CFAP46: variants seen among roughly 807,000 people sequenced by gnomAD.
CFAP46 encodes the protein cilia and flagella associated protein 46.
Under a neutral mutation model 325.7 loss-of-function variants are expected in CFAP46, and 245 were observed. The ratio of observed to expected loss-of-function variants is 0.75; its 90% CI spans 0.68 to 0.84. The LOEUF is 0.84. Among genes scored for constraint, CFAP46 ranks in the 40% least tolerant of loss-of-function variants. The pLI, the probability that CFAP46 is intolerant of heterozygous loss-of-function variation, is 0.00. For synonymous variants in CFAP46, 1,523 were observed against 1,495.9 expected (o/e 1.02, Z -0.42); for missense variants, 3,346 against 3,543.0 (o/e 0.94, Z 1.41).
chr10:132,941,623 G>T lies in CFAP46; in HGVS notation c.274C>A (p.Gln92Lys). The change falls in exon 3 of 58, where the codon CAG becomes AAG. Residue 92 changes from glutamine to lysine, a missense_variant. By Grantham distance (53) the Gln-to-Lys change is moderately conservative (BLOSUM62 1). Coordinates refer to ENST00000368586, the MANE Select transcript of CFAP46 (RefSeq NM_001200049.3). ...TCTGCCGACTTCGGGGCACACATCT[G>T]GGCCCTGCACAGGTGCGCTCGGCCC... The part of the protein sequence containing the change: ...FLGRAHLCRA[Q>K]MCAPKSAENL... 6.2e-7 allele frequency: 1 copy of T among 1,614,006 alleles called. No homozygotes were observed. The highest frequency in any genetic ancestry group is 8.5e-7 in the Non-Finnish European group (1 of 1,180,026).
chr10:132,880,047 C>T (rs1437503183), intron 28 of CFAP46, among the ~76,000 whole-genome samples: 2 of 152,156 alleles, frequency 1.3e-5, no homozygotes, highest in Non-Finnish European at 2.9e-5. Context: ...GGGAGGGTGG[C>T]CCTGAGCAAG....
At position 132,920,673 on chromosome 10, in the gene CFAP46, G is replaced by A. The variant is rs140742759; in HGVS notation, c.1607-491C>T. On this transcript the variant is annotated intron_variant, in intron 13 of 57. Transcript: ENST00000368586. ...CCTGGGGGGCCTCCTGTGCATGGGC[G>A]ACCCCGGGGGCTGGGCCTCCCCTGG... Among the ~76,000 whole-genome samples, 14 of 152,312 alleles carry A rather than the reference G, an allele frequency of 9.2e-5. No individual in the cohort carries two copies. The East Asian group carries it at 2.5e-3, about 27-fold the overall frequency.
chr10:132,904,458 T>G (rs1043558286), intron 22 of CFAP46, among the ~76,000 whole-genome samples: 1 of 152,266 alleles, frequency 6.6e-6, no homozygotes, highest in African/African-American at 2.4e-5. Flanking sequence ...CAAAGGACTT[T>G]CCAAAGTCTT....
At chr10:132,872,026 C>T (rs1332397212) in intron 32 of CFAP46, among the ~76,000 whole-genome samples, 1 of 152,148 alleles carries the variant, frequency 6.6e-6, no homozygotes, top group Non-Finnish European at 1.5e-5. Flanking sequence ...GATGTATGTA[C>T]ATTTTTTAGA....
Position 132,929,698 on chromosome 10 carries a change from CACTT to C in CFAP46, c.966+3_966+6del. ...TCCCCAGGCAGCAGTGTCATGAAGC[CACTT>C]ACTTTGCTTTCCATCTTCTTCAGGT... On this transcript the variant is annotated splice_donor_5th_base_variant and intron_variant, in intron 9 of 57. Transcript: ENST00000368586. 1 of 1,612,898 alleles carries C rather than the reference CACTT, an allele frequency of 6.2e-7. No homozygotes were observed.
chr10:132,822,969 T>C (rs1335766375), intron 50 of CFAP46, among the ~76,000 whole-genome samples: 1 of 140,300 alleles, frequency 7.1e-6, no homozygotes, highest in Non-Finnish European at 1.5e-5. Flanking sequence ...TGATGTGTGC[T>C]GTGTGTGCAG....
At position 132,879,510 on chromosome 10, in the gene CFAP46, C is replaced by A; in HGVS notation, c.3921G>T (p.Leu1307=). 1 of 1,547,258 alleles carries A rather than the reference C, an allele frequency of 6.5e-7. No homozygotes were observed. The highest frequency in any genetic ancestry group is 1.2e-5 in the South Asian group (1 of 83,900). The change falls in exon 29 of 58, where the codon CTG becomes CTT. Residue 1307 remains leucine (L), a synonymous_variant. Coordinates refer to ENST00000368586, the MANE Select transcript of CFAP46 (RefSeq NM_001200049.3). The part of the protein sequence containing the change: ...QLEALARVHI[L]LALVLSPGAE... Reference sequence around the variant, plus strand: ...CGCCCGGCGACAGCACCAGGGCCAGCAGGATGTGCACGCGGGCCAGCGCCT... The same window carrying A: ...CGCCCGGCGACAGCACCAGGGCCAGAAGGATGTGCACGCGGGCCAGCGCCT...
Position 132,939,545 on chromosome 10 carries a change from C to G in CFAP46, c.372-792G>C, listed in dbSNP as rs1354337529. The stretch of plus-strand genomic sequence containing the variant: ...CAGGTGGACCAGCACTGCTCAATGC[C>G]CAGGTGGGAGGAGGACACCAGGGTG... On this transcript the variant is annotated intron_variant, in intron 4 of 57. Transcript: ENST00000368586. This position sits in a 1 kb window ranked among gnomAD's most constrained non-coding sequence, Gnocchi z 4.6. 2.0e-5 allele frequency among the ~76,000 whole-genome samples: 3 copies of G among 152,156 alleles called. No individual in the cohort carries two copies. Among genetic ancestry groups the G allele is most frequent in the Non-Finnish European group, 4.4e-5 (3 of 68,020 alleles).
At chr10:132,941,793 GC>G (rs1591105096) in intron 2 of CFAP46, 71 bp from the exon 3 acceptor site, 7 of 1,600,792 alleles carry the variant, frequency 4.4e-6, no homozygotes, top group South Asian at 2.2e-5. Flanking sequence ...AGCACCACGG[GC>G]CCGCTTTCAG....
In CFAP46 at chr10:132,817,424, A is replaced by C. The variant is rs886513205; in HGVS notation, c.7118-2510T>G. On this transcript the variant is annotated intron_variant, in intron 50 of 57. Coordinates refer to ENST00000368586, the MANE Select transcript of CFAP46 (RefSeq NM_001200049.3). This position sits in a 1 kb window ranked among gnomAD's most constrained non-coding sequence, Gnocchi z 4.4. The stretch of plus-strand genomic sequence containing the variant: ...TGTCTTCTCACTGGCAGGGTTGGCC[A>C]ATTTTCTTTTTTTGATATATGACAT... 3.9e-5 allele frequency among the ~76,000 whole-genome samples: 6 copies of C among 152,120 alleles called. No homozygotes were observed. The highest frequency in any genetic ancestry group is 4.4e-5 in the Non-Finnish European group (3 of 68,008).
At chr10:132,902,352 C>A (rs1015613508) in intron 22 of CFAP46, among the ~76,000 whole-genome samples, 3 of 126,454 alleles carry the variant, frequency 2.4e-5, no homozygotes, top group Admixed American at 2.2e-4. Context: ...CCCTGTGCTT[C>A]GGTTTTCATA....
At chr10:132,922,987 C>T (rs985490499) in intron 11 of CFAP46, among the ~76,000 whole-genome samples, 3 of 152,376 alleles carry the variant, frequency 2.0e-5, no homozygotes, top group South Asian at 2.1e-4. Flanking sequence ...CAAGACTGCC[C>T]GGCTCTCTGC....
intron 4 of CFAP46, 76 bp from the exon 5 acceptor site, chr10:132,938,829 G>C: frequency 7.0e-7 from 1 of 1,438,192 alleles, no homozygotes; most frequent in Non-Finnish European, 9.5e-7. Context: ...AGGGGCCGCT[G>C]TGTCTCCGGA....
intron 22 of CFAP46, among the ~76,000 whole-genome samples, chr10:132,902,918 C>T (rs1023891707): frequency 5.9e-5 from 9 of 151,438 alleles, no homozygotes; most frequent in East Asian, 3.9e-4. Context: ...CAGTGAGTTA[C>T]GCCCCAATGT....
In CFAP46 at chr10:132,828,090, G is replaced by C. The variant is rs1330574877; in HGVS notation, c.7117+5268C>G. Among the ~76,000 whole-genome samples, 1 of 152,244 alleles carries C rather than the reference G, an allele frequency of 6.6e-6. No individual in the cohort carries two copies. The highest frequency in any genetic ancestry group is 1.9e-4 in the East Asian group (1 of 5,200). On this transcript the variant is annotated intron_variant, in intron 50 of 57. Transcript: ENST00000368586. This position sits in a 1 kb window ranked among gnomAD's most constrained non-coding sequence, Gnocchi z 4.9. The stretch of plus-strand genomic sequence containing the variant: ...CCAATGTGCTCATCGCCCACTGGGT[G>C]TCCAGGTGTCCGTCCTGTGGGTGAT...
rs1260609675 is a variant in CFAP46 at position 132,850,213 on chromosome 10, C to A, written c.5952+31G>T. ...CAGGCACGGGTGACTGGTGTTGGAG[C>A]CAGACTTGGGATAGAAGCAGGAGCA... On this transcript the variant is annotated intron_variant, in intron 41 of 57. Coordinates refer to ENST00000368586, the MANE Select transcript of CFAP46 (RefSeq NM_001200049.3). The A allele has an allele frequency of 7.8e-6, 12 of 1,548,270 alleles. No individual in the cohort carries two copies. In the East Asian group the frequency reaches 2.0e-4, roughly 25 times the overall value.
chr10:132,822,179 T>TGC (rs1847864587), intron 50 of CFAP46, among the ~76,000 whole-genome samples: 1 of 141,094 alleles, frequency 7.1e-6, no homozygotes, highest in African/African-American at 2.8e-5. Flanking sequence ...TGCTGATGTG[T>TGC]GCTGATGTGT....
At chr10:132,840,749 G>A (rs536045064) in intron 44 of CFAP46, among the ~76,000 whole-genome samples, 1 of 152,304 alleles carries the variant, frequency 6.6e-6, no homozygotes, top group Non-Finnish European at 1.5e-5. Context: ...GTTTCTCACA[G>A]GTCCATTTTT....
intron 25 of CFAP46, among the ~76,000 whole-genome samples, chr10:132,888,241 C>T (rs1356823352): frequency 1.3e-5 from 2 of 151,704 alleles, no homozygotes; most frequent in African/African-American, 4.9e-5. Context: ...CTTGGGTTTT[C>T]CTGGCTGTCT....
Sources: allele counts gnomAD v4.1 joint callset (sites outside exome capture counted in the v4.1 genomes callset), GRCh38; gene constraint gnomAD v4.1.1; non-coding constraint Gnocchi (gnomAD v3.1); transcripts MANE v1.5; gene names NCBI Gene and HGNC (gene_info 2026-07-23, HGNC 2026-07-21).